USP8: variants seen among roughly 807,000 people sequenced by gnomAD.
The protein encoded by USP8 is ubiquitin specific peptidase 8.
Under a neutral mutation model 130.0 loss-of-function variants are expected in USP8, and 27 were observed. The ratio of observed to expected loss-of-function variants is 0.21; its 90% CI spans 0.15 to 0.29. The LOEUF (loss-of-function observed/expected upper bound fraction) is 0.29. USP8 is among the 10% of genes least tolerant of loss of function. The pLI is 1.00. For synonymous variants in USP8, 392 were observed against 444.1 expected, an observed-to-expected ratio of 0.88 and a Z score of 1.48; for missense variants, 1,029 against 1,312.2, an observed-to-expected ratio of 0.78 and a Z score of 3.33.
chr15:50,481,575 G>T lies in USP8; in HGVS notation c.1313G>T (p.Gly438Val), dbSNP rs760142757. The change falls in exon 11 of 20, where the codon GGA becomes GTA. Residue 438 changes from glycine (G) to valine (V), a missense_variant. Gly to Val is a moderately radical substitution (Grantham distance 109). Transcript: ENST00000307179. ...CATGAGCAACAATCTCCTCAGAGTGGAAAAGTTATTCCTGATCGTTCCACC... is the reference window on the plus strand; with the variant it reads ...CATGAGCAACAATCTCCTCAGAGTGTAAAAGTTATTCCTGATCGTTCCACC... ...TNHEQQSPQSGKVIPDRSTKP... is the reference protein window; with the variant it reads ...TNHEQQSPQSVKVIPDRSTKP... 7 of 1,614,032 alleles carry T rather than the reference G, an allele frequency of 4.3e-6. No homozygotes were observed. The Admixed American group carries it at 1.2e-4, about 27-fold the overall frequency.
chr15:50,476,984 T>C lies in USP8; in HGVS notation c.985T>C (p.Ser329Pro), dbSNP rs1595960015. The change falls in exon 9 of 20, where the codon TCT becomes CCT. Residue 329 changes from serine (S) to proline (P), a missense_variant. Around this residue, in one of 4 missense-constraint regions of USP8, gnomAD observed 486 missense variants for 522.0 expected, o/e 0.93. Transcript: ENST00000307179. ...CCCACGACGCCAGAATGAAGAGGTG[T>C]CTATCTCATGTATGTATGTGAAAAT... ...PPPRRQNEEVSISLDFTYPSL... is the reference protein window; with the variant it reads ...PPPRRQNEEVPISLDFTYPSL... 6.2e-7 allele frequency: 1 copy of C among 1,605,648 alleles called. No homozygotes were observed. The highest frequency in any genetic ancestry group is 2.2e-5 in the East Asian group (1 of 44,812).
chr15:50,427,310 AT>A (rs2049769777), intron 1 of USP8, among the ~76,000 whole-genome samples: 1 of 151,992 alleles, frequency 6.6e-6, no homozygotes, highest in African/African-American at 2.4e-5. Flanking sequence ...GTTTTTGTAT[AT>A]TTTTTCACTT....
In USP8 at chr15:50,502,365, C is replaced by G. The variant is rs1299202499; in HGVS notation, c.*3277C>G. ...CTCGGGATCCTCCCACTTCGGCCTCCCAAAGTTATTTATTTTTATTTGAGA... is the reference window on the plus strand; with the variant it reads ...CTCGGGATCCTCCCACTTCGGCCTCGCAAAGTTATTTATTTTTATTTGAGA... On this transcript the variant is annotated 3_prime_UTR_variant, in exon 20 of 20. Coordinates refer to ENST00000307179, the MANE Select transcript of USP8 (RefSeq NM_005154.5). 1 of 149,972 alleles carries G rather than the reference C, an allele frequency of 6.7e-6. No homozygotes were observed. The highest frequency in any genetic ancestry group is 2.5e-5 in the African/African-American group (1 of 40,466). 9.3% of individuals were successfully genotyped at this position (149,972 alleles called of 1,614,324 possible). A position where few individuals can be genotyped will look rare whatever the true frequency, so the allele number is the denominator to read the frequency against.
In USP8 at chr15:50,488,929, C is replaced by T. The variant is rs117165176; in HGVS notation, c.1891-872C>T. On this transcript the variant is annotated intron_variant, in intron 12 of 19. Coordinates refer to ENST00000307179, the MANE Select transcript of USP8 (RefSeq NM_005154.5). Reference sequence around the variant, plus strand: ...GAGACGGGGTCTGTGTTGCCCAGGCCGATCTCAAAACTCCTGGGCTCAAGA... The same window carrying T: ...GAGACGGGGTCTGTGTTGCCCAGGCTGATCTCAAAACTCCTGGGCTCAAGA... 8.5e-4 allele frequency among the ~76,000 whole-genome samples: 129 copies of T among 151,866 alleles called. 3 individuals are homozygous for T. The East Asian group carries it at 0.021, about 25-fold the overall frequency.
Position 50,494,058 on chromosome 15 carries a change from T to C in USP8, c.2448-12T>C. On this transcript the variant is annotated splice_polypyrimidine_tract_variant and intron_variant, in intron 15 of 19. Coordinates refer to ENST00000307179, the MANE Select transcript of USP8 (RefSeq NM_005154.5). ...CCTTTATTGTCTTTTGTAACAACTT[T>C]TATTTGCACAGGTCAAATTTGTTGG... 1 of 1,596,490 alleles carries C rather than the reference T, an allele frequency of 6.3e-7. No homozygotes were observed. Among genetic ancestry groups the C allele is most frequent in the Non-Finnish European group, 8.5e-7 (1 of 1,174,474 alleles).
rs1436310557 is a variant in USP8 at position 50,510,870 on chromosome 15, G to T, written c.*11782G>T. 6.6e-6 allele frequency: 1 copy of T among 152,032 alleles called. No individual in the cohort carries two copies. Among genetic ancestry groups the T allele is most frequent in the Non-Finnish European group, 1.5e-5 (1 of 68,006 alleles). 9.4% of individuals were successfully genotyped at this position (152,032 alleles called of 1,614,324 possible). A position where few individuals can be genotyped will look rare whatever the true frequency, so the allele number is the denominator to read the frequency against. On this transcript the variant is annotated 3_prime_UTR_variant, in exon 20 of 20. Coordinates refer to ENST00000307179, the MANE Select transcript of USP8 (RefSeq NM_005154.5). ...CGGCTCACTGCAAGCTCCGCCTCCT[G>T]GGTTCACGCCATTCTCCTGCCTCAG... is the stretch of plus-strand genomic sequence containing the variant.
chr15:50,486,051 G>A (rs2051951181), intron 12 of USP8, among the ~76,000 whole-genome samples: 1 of 152,020 alleles, frequency 6.6e-6, no homozygotes, highest in African/African-American at 2.4e-5. Flanking sequence ...GATGAATACA[G>A]AGGACTGACT....
chr15:50,426,166 A>G (rs954782583), intron 1 of USP8, among the ~76,000 whole-genome samples: 2 of 152,196 alleles, frequency 1.3e-5, no homozygotes, highest in African/African-American at 4.8e-5. Context: ...AAAATAATCA[A>G]AATGACTTTT....
intron 6 of USP8, among the ~76,000 whole-genome samples, chr15:50,463,213 T>C (rs2051070064): frequency 6.6e-6 from 1 of 152,156 alleles, no homozygotes; most frequent in Non-Finnish European, 1.5e-5. Flanking sequence ...CACACCACTG[T>C]ACTGCAGCCT....
intron 10 of USP8, among the ~76,000 whole-genome samples, chr15:50,480,423 T>A (rs903537758): frequency 6.6e-6 from 1 of 152,122 alleles, no homozygotes; most frequent in Admixed American, 6.5e-5. Flanking sequence ...GGAAGAAAAA[T>A]TTTAAATAAG....
At chr15:50,495,550 C>T (rs2052364899) in intron 16 of USP8, among the ~76,000 whole-genome samples, 1 of 151,864 alleles carries the variant, frequency 6.6e-6, no homozygotes. Context: ...AGTCCTCCTG[C>T]CTTGGCTTCC....
At chr15:50,464,533 G>C (rs1304382906) in intron 6 of USP8, among the ~76,000 whole-genome samples, 2 of 152,168 alleles carry the variant, frequency 1.3e-5, no homozygotes, top group Non-Finnish European at 2.9e-5. Flanking sequence ...TTTGTAAACA[G>C]AGCATCGAAC....
chr15:50,433,681 C>G (rs922481898), intron 1 of USP8, among the ~76,000 whole-genome samples: 2 of 152,284 alleles, frequency 1.3e-5, no homozygotes, highest in Admixed American at 6.5e-5. Context: ...TCTCAGCTCA[C>G]TGCAAGCTCC....
intron 17 of USP8, 48 bp downstream of exon 17, chr15:50,496,132 GT>G: frequency 7.1e-7 from 1 of 1,406,944 alleles, no homozygotes; most frequent in Non-Finnish European, 9.8e-7. Flanking sequence ...TAAAAATGCT[GT>G]TTTTATGGAT....
At position 50,506,729 on chromosome 15, in the gene USP8, G is replaced by C. The variant is rs1418786139; in HGVS notation, c.*7641G>C. ...AATCTCAGCACTTGGGGAGGCCGAGGGGGGCGGATCACGAGGTCAGGAGAT... is the reference window on the plus strand; with the variant it reads ...AATCTCAGCACTTGGGGAGGCCGAGCGGGGCGGATCACGAGGTCAGGAGAT... On this transcript the variant is annotated 3_prime_UTR_variant, in exon 20 of 20. Coordinates refer to ENST00000307179, the MANE Select transcript of USP8 (RefSeq NM_005154.5). 1.3e-5 allele frequency: 2 copies of C among 152,012 alleles called. No homozygotes were observed. The highest frequency in any genetic ancestry group is 4.8e-5 in the African/African-American group (2 of 41,392). 9.4% of individuals were successfully genotyped at this position (152,012 alleles called of 1,614,324 possible).
intron 1 of USP8, among the ~76,000 whole-genome samples, chr15:50,425,068 C>T (rs1232356760): frequency 6.6e-6 from 1 of 152,030 alleles, no homozygotes. Flanking sequence ...GCCACTCCAC[C>T]TTGGAAATTA....
At position 50,433,068 on chromosome 15, in the gene USP8, C is replaced by G. The variant is rs370310072; in HGVS notation, c.-65-5941C>G. 5.9e-5 allele frequency among the ~76,000 whole-genome samples: 9 copies of G among 152,092 alleles called. No individual in the cohort carries two copies. The East Asian group carries it at 1.5e-3, about 26-fold the overall frequency. On this transcript the variant is annotated intron_variant, in intron 1 of 19. Transcript: ENST00000307179. ...ACCAGCCTGGCCAACATGGAGAAAC[C>G]CTGTCTCTACTAAAATACAAAAATT...
At chr15:50,449,859 G>C (rs902779544) in intron 4 of USP8, among the ~76,000 whole-genome samples, 1 of 147,870 alleles carries the variant, frequency 6.8e-6, no homozygotes, top group Non-Finnish European at 1.5e-5. Flanking sequence ...GGGATTACAG[G>C]TGTGGGCCAC....
Position 50,500,834 on chromosome 15 carries a change from G to T in USP8, c.*1746G>T. The T allele has an allele frequency of 6.3e-7, 1 of 1,577,932 alleles. No individual in the cohort carries two copies. Among genetic ancestry groups the T allele is most frequent in the South Asian group, 1.2e-5 (1 of 85,824 alleles). ...TGGCCACCATCCAAATCACCAAAAT[G>T]GTTCTATGGGAGAAAGGAATGTCAA... On this transcript the variant is annotated 3_prime_UTR_variant, in exon 20 of 20. Coordinates refer to ENST00000307179, the MANE Select transcript of USP8 (RefSeq NM_005154.5).
Sources: allele counts gnomAD v4.1 joint callset (sites outside exome capture counted in the v4.1 genomes callset), GRCh38; gene constraint gnomAD v4.1.1; regional missense constraint gnomAD v4.1.1; transcripts MANE v1.5; gene names NCBI Gene and HGNC (gene_info 2026-07-23, HGNC 2026-07-21).